The following CACNA1B variants were observed in gnomAD, a reference collection of about 807,000 sequenced individuals.
CACNA1B encodes the protein voltage-dependent N-type calcium channel subunit alpha-1B.
A neutral mutation model predicts 247.2 loss-of-function variants in CACNA1B; 70 were observed. The ratio of observed to expected loss-of-function variants is 0.28; its 90% CI spans 0.23 to 0.35. The LOEUF (loss-of-function observed/expected upper bound fraction) is 0.35, where lower values mean the gene tolerates loss of function less well. Ranked by LOEUF, CACNA1B falls within the 10% of genes least tolerant of loss-of-function variation. CACNA1B has a pLI of 1.00. For synonymous variants in CACNA1B, 1,231 were observed against 1,294.4 expected (o/e 0.95, Z 1.05); for missense variants, 2,367 against 3,197.4 (o/e 0.74, Z 6.26).
chr9:138,013,670 C>A (rs1041330615), intron 18 of CACNA1B, among the ~76,000 whole-genome samples: 1 of 152,230 alleles, frequency 6.6e-6, no homozygotes, highest in African/African-American at 2.4e-5. Context: ...CCAAAAATGT[C>A]TCTGCAAGTG....
chr9:137,990,745 C>T lies in CACNA1B; in HGVS notation c.1974+3891C>T, dbSNP rs1958422368. ...CCAGAGCAGGTGCTGGTATCCGCAC[C>T]TGAAAGACCTGAAGATGGATCACAT... On this transcript the variant is annotated intron_variant, in intron 15 of 46. Transcript: ENST00000371372. The surrounding 1 kb of genome is among the most constrained non-coding windows in gnomAD (Gnocchi z 4.5). 6.6e-6 allele frequency among the ~76,000 whole-genome samples: 1 copy of T among 152,208 alleles called. No homozygotes were observed. Among genetic ancestry groups the T allele is most frequent in the Non-Finnish European group, 1.5e-5 (1 of 68,046 alleles).
intron 10 of CACNA1B, among the ~76,000 whole-genome samples, chr9:137,962,324 T>C (rs1958030027): frequency 6.6e-6 from 1 of 151,656 alleles, no homozygotes; most frequent in Non-Finnish European, 1.5e-5. Context: ...TTTTTTTTTT[T>C]TTCAAAAAAC....
intron 10 of CACNA1B, among the ~76,000 whole-genome samples, chr9:137,967,044 T>C (rs1218136686): frequency 1.3e-5 from 2 of 151,942 alleles, no homozygotes; most frequent in African/African-American, 4.8e-5. Context: ...TCTCTCCATT[T>C]AGTATAATGT....
intron 36 of CACNA1B, among the ~76,000 whole-genome samples, chr9:138,087,228 A>G (rs1247221472): frequency 6.7e-6 from 1 of 149,666 alleles, no homozygotes; most frequent in Non-Finnish European, 1.5e-5. Context: ...TCTACTTAAA[A>G]CATAAAAATT....
intron 3 of CACNA1B, among the ~76,000 whole-genome samples, chr9:137,904,352 C>CTTTTTTT (rs11351694): frequency 3.7e-5 from 3 of 80,394 alleles, no homozygotes; most frequent in Non-Finnish European, 6.5e-5. Context: ...CTCTCTCTCT[C>CTTTTTTT]TTTTTTTTTT....
chr9:137,936,184 T>G (rs1957666215), intron 6 of CACNA1B, among the ~76,000 whole-genome samples: 1 of 152,192 alleles, frequency 6.6e-6, no homozygotes, highest in Non-Finnish European at 1.5e-5. Flanking sequence ...TGACCGCCAT[T>G]CTAACTGGTG....
intron 3 of CACNA1B, 119 bp downstream of exon 3, chr9:137,883,002 C>A: frequency 9.2e-7 from 1 of 1,081,388 alleles, no homozygotes; most frequent in Non-Finnish European, 1.4e-6. Context: ...CCCTCACAGC[C>A]CTGCTGGAGA....
intron 6 of CACNA1B, among the ~76,000 whole-genome samples, chr9:137,920,818 GAAGTCTCAACGATGAT>G (rs1222126401): frequency 6.6e-6 from 1 of 152,256 alleles, no homozygotes; most frequent in African/African-American, 2.4e-5. Flanking sequence ...GAGAGAAGGA[GAAGTCTCAACGATGAT>G]GTGACTTGAG....
In CACNA1B at chr9:138,122,380, G is replaced by A. The variant is rs772250771; in HGVS notation, c.*381G>A. On this transcript the variant is annotated 3_prime_UTR_variant, in exon 47 of 47. Coordinates refer to ENST00000371372, the MANE Select transcript of CACNA1B (RefSeq NM_000718.4). The stretch of plus-strand genomic sequence containing the variant: ...GCGTCCTGTGGGGAGCACCCTTCAC[G>A]TGGCCGTGCGGCACAGAGAAGCAGG... The A allele has an allele frequency of 3.0e-5, 7 of 234,588 alleles. No individual in the cohort carries two copies. The highest frequency in any genetic ancestry group is 5.0e-5 in the Non-Finnish European group (6 of 120,008). 14.5% of individuals were successfully genotyped at this position (234,588 alleles called of 1,614,324 possible). A position where few individuals can be genotyped will look rare whatever the true frequency, so the allele number is the denominator to read the frequency against.
chr9:138,116,907 C>T (rs930614191), intron 42 of CACNA1B, among the ~76,000 whole-genome samples: 3 of 152,216 alleles, frequency 2.0e-5, no homozygotes, highest in African/African-American at 7.2e-5. Context: ...GCTTGCAACT[C>T]TCAGAAGACA....
chr9:137,958,591 A>G (rs982388492), intron 10 of CACNA1B, among the ~76,000 whole-genome samples: 1 of 151,950 alleles, frequency 6.6e-6, no homozygotes, highest in African/African-American at 2.4e-5. Context: ...ATTTATTTCT[A>G]GTGCTTTTAT....
chr9:138,090,701 C>CAAAAAAAAAAAAAAAAAAAAAA (rs1173964720), intron 36 of CACNA1B, among the ~76,000 whole-genome samples: 1 of 16,584 alleles, frequency 6.0e-5, no homozygotes, highest in Non-Finnish European at 8.9e-5. Context: ...AACCCATCAG[C>CAAAAAAAAAAAAAAAAAAAAAA]AAAAAAAAAA....
intron 18 of CACNA1B, among the ~76,000 whole-genome samples, chr9:138,013,966 G>A (rs779464441): frequency 5.3e-5 from 8 of 152,222 alleles, no homozygotes; most frequent in South Asian, 2.1e-4. Context: ...CACTAGCTCC[G>A]TCTGGCTGCA....
chr9:137,913,350 G>T lies in CACNA1B; in HGVS notation c.622+79G>T. On this transcript the variant is annotated intron_variant, in intron 4 of 46. Coordinates refer to ENST00000371372, the MANE Select transcript of CACNA1B (RefSeq NM_000718.4). The surrounding 1 kb of genome is among the most constrained non-coding windows in gnomAD (Gnocchi z 5.2). ...TACCCTCACCACGGACATGGCCATGGCCATGGTTTGGCTTTGGTGACTCTG... is the reference window on the plus strand; with the variant it reads ...TACCCTCACCACGGACATGGCCATGTCCATGGTTTGGCTTTGGTGACTCTG... 1.8e-6 allele frequency: 2 copies of T among 1,140,304 alleles called. No individual in the cohort carries two copies. Among genetic ancestry groups the T allele is most frequent in the Non-Finnish European group, 2.6e-6 (2 of 772,300 alleles). The allele number at this position is 1,140,304 out of a possible 1,614,324, so 70.6% of individuals were successfully genotyped here. A position where few individuals can be genotyped will look rare whatever the true frequency, so the allele number is the denominator to read the frequency against.
Position 138,100,625 on chromosome 9 carries a change from G to A in CACNA1B, c.5223-2086G>A, listed in dbSNP as rs1407875677. Among the ~76,000 whole-genome samples, 1 of 152,208 alleles carries A rather than the reference G, an allele frequency of 6.6e-6. No individual in the cohort carries two copies. The highest frequency in any genetic ancestry group is 1.9e-4 in the East Asian group (1 of 5,196). ...ATCCAAGGATGCCAGCCTACGATGA[G>A]AGGAGGTCCTTAGCTGGACCAGGGC... On this transcript the variant is annotated intron_variant, in intron 37 of 46. Transcript: ENST00000371372. The surrounding 1 kb of genome is among the most constrained non-coding windows in gnomAD (Gnocchi z 4.6).
intron 3 of CACNA1B, among the ~76,000 whole-genome samples, chr9:137,897,870 G>A (rs1730151874): frequency 6.6e-6 from 1 of 151,684 alleles, no homozygotes; most frequent in Non-Finnish European, 1.5e-5. Flanking sequence ...AGTAGAGATG[G>A]GGTTTCAAAT....
intron 31 of CACNA1B, among the ~76,000 whole-genome samples, chr9:138,064,726 C>G (rs1025290250): frequency 2.6e-5 from 4 of 152,202 alleles, no homozygotes; most frequent in Admixed American, 1.3e-4. Flanking sequence ...TTCCAGGCAA[C>G]CAGCCATGGA....
chr9:138,103,368 G>C (rs1354060769), intron 38 of CACNA1B, among the ~76,000 whole-genome samples: 2 of 152,194 alleles, frequency 1.3e-5, no homozygotes, highest in Non-Finnish European at 2.9e-5. Flanking sequence ...CCATGGTGGG[G>C]AAGAGGCACT....
rs943508848 is a variant in CACNA1B, at chr9:138,002,775, CTTTTCTTTTCTTTTCTT to C, written c.1975-3972_1975-3956del. Among the ~76,000 whole-genome samples, 100 of 150,794 alleles carry C rather than the reference CTTTTCTTTTCTTTTCTT, an allele frequency of 6.6e-4. 1 individual carries two copies. In the East Asian group the frequency reaches 0.011, roughly 16 times the overall value. On this transcript the variant is annotated intron_variant, in intron 15 of 46. Transcript: ENST00000371372. ...TCTTGGATGGAGAGAAATTTCTTCT[CTTTTCTTTTCTTTTCTT>C]TTTTCTTTTCTTTTCTTTTCTTTTT...
Sources: allele counts gnomAD v4.1 joint callset (sites outside exome capture counted in the v4.1 genomes callset), GRCh38; gene constraint gnomAD v4.1.1; non-coding constraint Gnocchi (gnomAD v3.1); transcripts MANE v1.5; gene names NCBI Gene and HGNC (gene_info 2026-07-23, HGNC 2026-07-21).